The following NHSL1 variants were observed in gnomAD, a reference collection of about 807,000 sequenced individuals.
NHSL1 encodes the protein NHS-like protein 1.
NHSL1 carries 48 observed loss-of-function variants against 95.0 expected under a neutral mutation model. The observed-to-expected ratio is 0.51, with a 90% CI of 0.40 to 0.64. The LOEUF (loss-of-function observed/expected upper bound fraction) is 0.64. Among genes scored for constraint, NHSL1 ranks in the 30% least tolerant of loss-of-function variants. The pLI, the probability that NHSL1 is intolerant of heterozygous loss-of-function variation, is 0.00. For synonymous variants in NHSL1, 783 were observed against 833.9 expected (o/e 0.94, Z 1.05); for missense variants, 1,971 against 2,077.7 (o/e 0.95, Z 1.00).
At chr6:138,628,381 T>G (rs1038658624) in intron 1 of NHSL1, among the ~76,000 whole-genome samples, 1 of 152,196 alleles carries the variant, frequency 6.6e-6, no homozygotes, top group African/African-American at 2.4e-5. Context: ...ATTTCCTATA[T>G]TCCATCTTTA....
chr6:138,523,869 A>G (rs2128310835), intron 1 of NHSL1, among the ~76,000 whole-genome samples: 2 of 152,346 alleles, frequency 1.3e-5, no homozygotes, highest in Non-Finnish European at 2.9e-5. Flanking sequence ...CTTGTGTCAT[A>G]AAAACATAGA....
chr6:138,490,818 G>A (rs1310865115), intron 2 of NHSL1, among the ~76,000 whole-genome samples: 1 of 152,138 alleles, frequency 6.6e-6, no homozygotes, highest in Non-Finnish European at 1.5e-5. Context: ...ATTTTTAGTA[G>A]AGACGGGGTT....
In NHSL1 at chr6:138,432,663, C is replaced by T. The variant is rs1243888094; in HGVS notation, c.1682G>A (p.Gly561Glu). The change falls in exon 6 of 8, where the codon GGA (glycine) becomes GAA (glutamate). Residue 561 changes from glycine (G) to glutamate (E), a missense_variant. Around this residue, in one of 3 missense-constraint regions of NHSL1, gnomAD observed 1,602 missense variants for 1,654.5 expected, o/e 0.97. Transcript: ENST00000343505. The surrounding 1 kb of genome is among the most constrained non-coding windows in gnomAD (Gnocchi z 4.4). ...ATGCGGCTTCAGGGGGGATGCCCTT[C>T]CATTACCTGAGGATTTGTATTCCCA... is the stretch of plus-strand genomic sequence containing the variant. ...EPWEYKSSGN[G>E]RASPLKPHLA... 1.3e-6 allele frequency: 2 copies of T among 1,551,604 alleles called. No individual in the cohort carries two copies. The highest frequency in any genetic ancestry group is 1.7e-6 in the Non-Finnish European group (2 of 1,147,000).
intron 1 of NHSL1, among the ~76,000 whole-genome samples, chr6:138,651,170 C>T (rs978998508): frequency 2.0e-5 from 3 of 152,138 alleles, no homozygotes; most frequent in Non-Finnish European, 2.9e-5. Context: ...TACAACTGAC[C>T]TTTATTGGTA....
chr6:138,593,620 G>A (rs1341330373), intron 1 of NHSL1, among the ~76,000 whole-genome samples: 1 of 152,208 alleles, frequency 6.6e-6, no homozygotes, highest in Non-Finnish European at 1.5e-5. Flanking sequence ...TTCATTAGGA[G>A]ATGAAAAGTG....
rs1478513230 is a variant in NHSL1 at position 138,446,273 on chromosome 6, G to T, written c.532+728C>A. On this transcript the variant is annotated intron_variant, in intron 4 of 7. Transcript: ENST00000343505. The stretch of plus-strand genomic sequence containing the variant: ...GCTGGTCTCAAACTCCTGACCTCAG[G>T]TGATCTGCCCGCCTCAGCCTCCCAA... Among the ~76,000 whole-genome samples the T allele has an allele frequency of 2.0e-5, 3 of 152,102 alleles. No homozygotes were observed. In the East Asian group the frequency reaches 5.8e-4, roughly 29 times the overall value.
At chr6:138,455,742 G>A (rs1393814823) in intron 3 of NHSL1, among the ~76,000 whole-genome samples, 6 of 103,380 alleles carry the variant, frequency 5.8e-5, no homozygotes, top group East Asian at 3.3e-4. Context: ...CGTGTACCCC[G>A]ATGAACAAGC....
At chr6:138,576,722 G>A (rs1046688180), upstream of NHSL1, among the ~76,000 whole-genome samples, 8 of 152,164 alleles carry the variant, frequency 5.3e-5, no homozygotes, top group East Asian at 1.9e-4. Flanking sequence ...CTTCACCAGC[G>A]GGACGGAAGC....
intron 1 of NHSL1, among the ~76,000 whole-genome samples, chr6:138,525,003 G>T (rs1187740781): frequency 6.6e-6 from 1 of 152,196 alleles, no homozygotes; most frequent in Admixed American, 6.5e-5. Flanking sequence ...AAGGATATGT[G>T]TAAGTGGCAA....
intron 1 of NHSL1, among the ~76,000 whole-genome samples, chr6:138,516,254 G>C (rs1488468153): frequency 6.6e-6 from 1 of 152,162 alleles, no homozygotes; most frequent in African/African-American, 2.4e-5. Context: ...TGTGGGCGTG[G>C]AGTCAAAACC....
upstream of NHSL1, among the ~76,000 whole-genome samples, chr6:138,501,615 C>T (rs146568975): frequency 1.6e-3 from 236 of 152,230 alleles, 3 homozygotes; most frequent in East Asian, 0.039. Flanking sequence ...ACATTTCCAT[C>T]CCCCAGGACT....
At chr6:138,507,115 G>C (rs1258263770) in intron 1 of NHSL1, among the ~76,000 whole-genome samples, 2 of 152,178 alleles carry the variant, frequency 1.3e-5, no homozygotes, top group South Asian at 2.1e-4. Flanking sequence ...CCATGTAAGA[G>C]GAATATTAGA....
rs1321862973 is a variant in NHSL1 at position 138,432,115 on chromosome 6, C to G, written c.2230G>C (p.Ala744Pro). The change falls in exon 6 of 8, where the codon GCT (alanine) becomes CCT (proline). Residue 744 changes from alanine (A) to proline (P), a missense_variant. Physicochemically the swap from Ala to Pro is conservative, Grantham distance 27 (BLOSUM62 -1). Coordinates refer to ENST00000343505, the MANE Select transcript of NHSL1 (RefSeq NM_001144060.2). The surrounding 1 kb of genome is among the most constrained non-coding windows in gnomAD (Gnocchi z 4.4). ...GTGGCGGAAGTCATGCTGCTGCCAG[C>G]ACTAACTGTGCTCTGGCTCCGGGAG... is the stretch of plus-strand genomic sequence containing the variant. ...PRSRSQSTVS[A>P]GSSMTSATTP... 6.4e-7 allele frequency: 1 copy of G among 1,550,962 alleles called. No individual in the cohort carries two copies. The highest frequency in any genetic ancestry group is 1.2e-5 in the South Asian group (1 of 84,032).
intron 1 of NHSL1, among the ~76,000 whole-genome samples, chr6:138,507,638 A>G (rs1781027248): frequency 6.6e-6 from 1 of 152,258 alleles, no homozygotes; most frequent in Non-Finnish European, 1.5e-5. Flanking sequence ...TACTGTCCAC[A>G]GAATGAAAAC....
chr6:138,503,645 T>C (rs1376417215), upstream of NHSL1, among the ~76,000 whole-genome samples: 1 of 152,140 alleles, frequency 6.6e-6, no homozygotes, highest in Non-Finnish European at 1.5e-5. Context: ...ACTGAAAATA[T>C]TTACTACCTG....
At chr6:138,454,837 G>T (rs1326879236) in intron 3 of NHSL1, among the ~76,000 whole-genome samples, 1 of 152,246 alleles carries the variant, frequency 6.6e-6, no homozygotes, top group Non-Finnish European at 1.5e-5. Context: ...AATAAATACT[G>T]AATATATTCA....
chr6:138,654,687 C>T (rs1183923334), intron 1 of NHSL1, among the ~76,000 whole-genome samples: 2 of 151,974 alleles, frequency 1.3e-5, no homozygotes, highest in African/African-American at 2.4e-5. Context: ...AATGCTCCCA[C>T]ATATTTTGTT....
intron 1 of NHSL1, among the ~76,000 whole-genome samples, chr6:138,529,097 A>G (rs1475243674): frequency 1.3e-5 from 2 of 152,224 alleles, no homozygotes; most frequent in Non-Finnish European, 2.9e-5. Flanking sequence ...ATATAATAGC[A>G]TAAGATTCCC....
At position 138,429,837 on chromosome 6, in the gene NHSL1, A is replaced by C. The variant is rs1583135751; in HGVS notation, c.3959T>G (p.Val1320Gly). 1 of 1,550,806 alleles carries C rather than the reference A, an allele frequency of 6.4e-7. No individual in the cohort carries two copies. The highest frequency in any genetic ancestry group is 2.0e-5 in the Admixed American group (1 of 50,806). ...CLSQQDGAAGVPETNAAGSSS... is the reference protein window; with the variant it reads ...CLSQQDGAAGGPETNAAGSSS... ...TGAACCGGCTGCGTTGGTCTCCGGC[A>C]CCCCAGCTACAGAAGAGCAGGCAGG... is the stretch of plus-strand genomic sequence containing the variant. The change falls in exon 7 of 8, where the codon GTG becomes GGG. Residue 1320 changes from valine (V) to glycine (G), a missense_variant. Around this residue, in one of 3 missense-constraint regions of NHSL1, gnomAD observed 146 missense variants for 206.3 expected, o/e 0.71. Coordinates refer to ENST00000343505, the MANE Select transcript of NHSL1 (RefSeq NM_001144060.2).
Sources: allele counts gnomAD v4.1 joint callset (sites outside exome capture counted in the v4.1 genomes callset), GRCh38; gene constraint gnomAD v4.1.1; regional missense constraint gnomAD v4.1.1; non-coding constraint Gnocchi (gnomAD v3.1); transcripts MANE v1.5; gene names NCBI Gene and HGNC (gene_info 2026-07-23, HGNC 2026-07-21).